Variants in DNASE1 observed in about 807,000 individuals in gnomAD.
The protein encoded by DNASE1 is deoxyribonuclease 1, also known as deoxyribonuclease-1.
Under a neutral mutation model 33.9 loss-of-function variants are expected in DNASE1, and 40 were observed. The observed-to-expected ratio is 1.18, with a 90% CI of 0.92 to 1.54. The LOEUF (loss-of-function observed/expected upper bound fraction) is 1.54, where lower values mean the gene tolerates loss of function less well. DNASE1 is among the 40% of genes most tolerant of loss of function. The probability of loss-of-function intolerance (pLI) is 0.00; values close to 1 mark genes in which losing one functional copy is unlikely to be tolerated. For synonymous variants in DNASE1, 216 were observed against 160.0 expected (o/e 1.35, Z -2.64); for missense variants, 518 against 372.6 (o/e 1.39, Z -3.21).
At chr16:3,665,246 G>A (rs1301882392) in exon 10 of DNASE1, 3 of 152,234 alleles carry the variant, frequency 2.0e-5, no homozygotes, top group Non-Finnish European at 4.4e-5. Flanking sequence ...CGGCCTCCTT[G>A]GGACCCCACA....
At chr16:3,662,238 G>A, downstream of DNASE1, 2 of 1,394,592 alleles carry the variant, frequency 1.4e-6, no homozygotes, top group Non-Finnish European at 1.9e-6. Context: ...GTAGCAGGCG[G>A]GGTCTCAAGG....
At chr16:3,662,930 G>A, downstream of DNASE1, 1 of 1,612,858 alleles carries the variant, frequency 6.2e-7, no homozygotes, top group Non-Finnish European at 8.5e-7. Context: ...TCCAGGCCAT[G>A]AGCTCCTCCG....
intron 1 of DNASE1, among the ~76,000 whole-genome samples, chr16:3,624,115 A>G: frequency 6.6e-6 from 1 of 152,080 alleles, no homozygotes; most frequent in South Asian, 2.1e-4. Flanking sequence ...CGTCTCTACT[A>G]AAAATACAAA....
intron 1 of DNASE1, among the ~76,000 whole-genome samples, chr16:3,626,047 C>T (rs758884923): frequency 5.3e-5 from 8 of 151,576 alleles, no homozygotes; most frequent in Non-Finnish European, 8.8e-5. Context: ...CTATAGTGAG[C>T]CGTGATTCTG....
intron 1 of DNASE1, among the ~76,000 whole-genome samples, chr16:3,634,147 G>A (rs2041794622): frequency 6.6e-6 from 1 of 152,028 alleles, no homozygotes; most frequent in African/African-American, 2.4e-5. Context: ...ATAAGGGACA[G>A]TAAGGATGAT....
At chr16:3,658,589 C>T (rs985065024), downstream of DNASE1, 8 of 592,644 alleles carry the variant, frequency 1.3e-5, no homozygotes, top group African/African-American at 1.9e-5. Flanking sequence ...AGGGGAATTG[C>T]TTGAACCCGG....
intron 3 of DNASE1, 68 bp downstream of exon 3, chr16:3,656,005 GC>G: frequency 6.2e-7 from 1 of 1,610,580 alleles, no homozygotes; most frequent in Non-Finnish European, 8.5e-7. Flanking sequence ...CTTCACTTGG[GC>G]CCCAAGGGTG....
At chr16:3,633,897 A>T (rs2041783987) in intron 1 of DNASE1, among the ~76,000 whole-genome samples, 1 of 150,754 alleles carries the variant, frequency 6.6e-6, no homozygotes, top group African/African-American at 2.4e-5. Flanking sequence ...CAAGCTCTGG[A>T]TTCCGGATTC....
intron 1 of DNASE1, among the ~76,000 whole-genome samples, chr16:3,620,670 C>T (rs1209376926): frequency 1.3e-5 from 2 of 152,006 alleles, no homozygotes; most frequent in Admixed American, 6.6e-5. Context: ...ATAGATTATG[C>T]AATAAATGTC....
At chr16:3,653,805 T>TCAAAAAAAAAAAAAA (rs2042422792), upstream of DNASE1, 1 of 35,450 alleles carries the variant, frequency 2.8e-5, no homozygotes, top group Non-Finnish European at 4.1e-5. Context: ...AGATTCCGCC[T>TCAAAAAAAAAAAAAA]CAAAAAAAAA....
intron 1 of DNASE1, among the ~76,000 whole-genome samples, chr16:3,616,611 A>C (rs2041112556): frequency 6.6e-6 from 1 of 152,234 alleles, no homozygotes; most frequent in Non-Finnish European, 1.5e-5. Flanking sequence ...ATACAGTGAG[A>C]CTGTGTCTCA....
intron 1 of DNASE1, among the ~76,000 whole-genome samples, chr16:3,616,969 C>T (rs942921335): frequency 1.3e-5 from 2 of 152,028 alleles, no homozygotes; most frequent in African/African-American, 4.8e-5. Context: ...TAGACCCTTA[C>T]CTCATATCAT....
intron 1 of DNASE1, among the ~76,000 whole-genome samples, chr16:3,635,660 C>G (rs2041847907): frequency 6.7e-6 from 1 of 150,342 alleles, no homozygotes; most frequent in African/African-American, 2.4e-5. Context: ...AAAGTCTCTT[C>G]TCTTTTGAAG....
At position 3,619,266 on chromosome 16, in the gene DNASE1, G is replaced by A. The variant is rs151205789; in HGVS notation, c.-1359+7260G>A. 3.0e-4 allele frequency among the ~76,000 whole-genome samples: 45 copies of A among 152,194 alleles called. 1 individual carries two copies. Among genetic ancestry groups the A allele is most frequent in the Middle Eastern group, 3.4e-3 (1 of 294 alleles). Reference sequence around the variant, plus strand: ...GCCCAGGCTGATCTCAAACTCCTGCGCTCAAGTGATCTGCCCACCTTGGCC... The same window carrying A: ...GCCCAGGCTGATCTCAAACTCCTGCACTCAAGTGATCTGCCCACCTTGGCC... On this transcript the variant is annotated intron_variant and NMD_transcript_variant, in intron 1 of 11. Coordinates refer to the DNASE1 transcript ENST00000570769.
chr16:3,661,939 G>A (rs1567219970), downstream of DNASE1: 5 of 1,541,448 alleles, frequency 3.2e-6, no homozygotes, highest in Non-Finnish European at 3.5e-6. Flanking sequence ...CCACACACAG[G>A]ATTCTGGGGA....
chr16:3,613,195 C>G (rs2040971419), intron 1 of DNASE1, among the ~76,000 whole-genome samples: 1 of 152,024 alleles, frequency 6.6e-6, no homozygotes, highest in Admixed American at 6.5e-5. Context: ...TGTGGTTTTG[C>G]GTATTCAGTA....
At chr16:3,656,779 G>A in intron 5 of DNASE1, 26 bp downstream of exon 5, 1 of 1,577,538 alleles carries the variant, frequency 6.3e-7, no homozygotes, top group Non-Finnish European at 8.6e-7. Flanking sequence ...GCCAGGGTGG[G>A]GCTCGGCTTG....
downstream of DNASE1, chr16:3,658,106 C>T (rs769608649): frequency 1.4e-5 from 22 of 1,612,602 alleles, no homozygotes; most frequent in East Asian, 2.2e-5. Flanking sequence ...TCTGTGGTGT[C>T]AGTCCTTCTG....
intron 1 of DNASE1, among the ~76,000 whole-genome samples, chr16:3,648,804 A>G (rs1201413148): frequency 3.3e-5 from 5 of 152,340 alleles, no homozygotes; most frequent in Non-Finnish European, 7.4e-5. Context: ...TTGCATGAAT[A>G]AAAGATTGGA....
Sources: gnomAD v4.1 joint callset for allele counts (sites outside exome capture counted in the v4.1 genomes callset) on GRCh38, gnomAD v4.1.1 for gene constraint, MANE v1.5 for transcripts, NCBI Gene and HGNC (gene_info 2026-07-23, HGNC 2026-07-21) for gene names.